Variants in PRPF38A observed in about 807,000 individuals in gnomAD.
The protein encoded by PRPF38A is pre-mRNA-splicing factor 38A.
In PRPF38A, 11 loss-of-function variants were observed where a neutral mutation model predicts 46.8. That is an observed-to-expected ratio of 0.24 (90% CI 0.15 to 0.39). PRPF38A has a LOEUF of 0.39. Among genes scored for constraint, PRPF38A ranks in the 10% least tolerant of loss-of-function variants. PRPF38A has a pLI of 1.00. For missense variants in PRPF38A, 261 were observed against 407.5 expected, an observed-to-expected ratio of 0.64 and a Z score of 3.10; for synonymous variants, 124 against 136.2, an observed-to-expected ratio of 0.91 and a Z score of 0.62.
Position 52,419,279 on chromosome 1 carries a change from C to T in PRPF38A, c.*2589C>T, listed in dbSNP as rs1199312383. The T allele has an allele frequency of 6.6e-6, 1 of 151,624 alleles. No homozygotes were observed. The highest frequency in any genetic ancestry group is 1.5e-5 in the Non-Finnish European group (1 of 68,090). The allele number at this position is 151,624 out of a possible 1,614,324, so 9.4% of individuals were successfully genotyped here. ...GCTGAGGCAGGAGAATCGCTTGAAC[C>T]TGGGAGGCAGAGGATGCGGTGAGCT... On this transcript the variant is annotated 3_prime_UTR_variant, in exon 10 of 10. Transcript: ENST00000257181.
Position 52,415,254 on chromosome 1 carries a change from A to C in PRPF38A, c.848-84A>C, listed in dbSNP as rs565376530. 68 of 1,366,026 alleles carry C rather than the reference A, an allele frequency of 5.0e-5. 1 individual carries two copies. The South Asian group carries it at 8.3e-4, about 17-fold the overall frequency. The allele number at this position is 1,366,026 out of a possible 1,614,324, so 84.6% of individuals were successfully genotyped here. A position where few individuals can be genotyped will look rare whatever the true frequency, so the allele number is the denominator to read the frequency against. ...CATAGGCCAAAAGAATATTAAGCCA[A>C]TGGCAGGTATTAGGGGAGGTGAGAA... is the stretch of plus-strand genomic sequence containing the variant. On this transcript the variant is annotated intron_variant, in intron 8 of 9. Transcript: ENST00000257181.
rs566919788 is a variant in PRPF38A, at chr1:52,408,555, C to A, written c.291-14C>A. The A allele has an allele frequency of 3.1e-6, 5 of 1,613,922 alleles. No homozygotes were observed. The highest frequency in any genetic ancestry group is 4.2e-6 in the Non-Finnish European group (5 of 1,179,940). ...CTAGGATGGCCTGTTGTTTCACTGT[C>A]ATCTGTCTCTCAGGTATGTCCGCAT... On this transcript the variant is annotated splice_polypyrimidine_tract_variant and intron_variant, in intron 2 of 9. Transcript: ENST00000257181.
At chr1:52,415,234 G>A in intron 8 of PRPF38A, 104 bp from the exon 9 acceptor site, 6 of 1,193,484 alleles carry the variant, frequency 5.0e-6, no homozygotes, top group Non-Finnish European at 6.0e-6. Flanking sequence ...CCCTGCATAG[G>A]CCAAAAGAAT....
At position 52,404,933 on chromosome 1, in the gene PRPF38A, G is replaced by A. The variant is rs565200681; in HGVS notation, c.130+54G>A. Reference sequence around the variant, plus strand: ...AGCCCCCTTGTGGCCCATTTCTCCTGACCGAGCGCGGGTAGGACTAGCGAC... The same window carrying A: ...AGCCCCCTTGTGGCCCATTTCTCCTAACCGAGCGCGGGTAGGACTAGCGAC... On this transcript the variant is annotated intron_variant, in intron 1 of 9. Coordinates refer to ENST00000257181, the MANE Select transcript of PRPF38A (RefSeq NM_032864.4). 887 of 1,596,226 alleles carry A rather than the reference G, an allele frequency of 5.6e-4. 1 individual carries two copies. Among genetic ancestry groups the A allele is most frequent in the Middle Eastern group, 1.8e-3 (11 of 5,954 alleles).
At chr1:52,411,723 C>A (rs1287897176) in intron 4 of PRPF38A, among the ~76,000 whole-genome samples, 1 of 152,152 alleles carries the variant, frequency 6.6e-6, no homozygotes, top group East Asian at 1.9e-4. Context: ...GCTTCCCTTT[C>A]CTAGTGATAA....
chr1:52,411,978 A>G (rs944104714), intron 4 of PRPF38A, among the ~76,000 whole-genome samples: 1 of 152,190 alleles, frequency 6.6e-6, no homozygotes, highest in Non-Finnish European at 1.5e-5. Flanking sequence ...ACATGCCACT[A>G]CATTTAGCCA....
At chr1:52,410,173 T>C (rs1182435950) in intron 3 of PRPF38A, among the ~76,000 whole-genome samples, 1 of 147,766 alleles carries the variant, frequency 6.8e-6, no homozygotes, top group Non-Finnish European at 1.5e-5. Flanking sequence ...ATAATATAAA[T>C]TGCCTGTAAT....
In PRPF38A at chr1:52,419,472, C is replaced by T. The variant is rs375050573; in HGVS notation, c.*2782C>T. On this transcript the variant is annotated 3_prime_UTR_variant, in exon 10 of 10. Transcript: ENST00000257181. ...TCCTGTTTGTTATTCTTCAGTAGACCGAAGTTTAAATAAGCATTATTTAGA... is the reference window on the plus strand; with the variant it reads ...TCCTGTTTGTTATTCTTCAGTAGACTGAAGTTTAAATAAGCATTATTTAGA... 7 of 151,382 alleles carry T rather than the reference C, an allele frequency of 4.6e-5. No homozygotes were observed. Among genetic ancestry groups the T allele is most frequent in the African/African-American group, 1.7e-4 (7 of 41,292 alleles). 9.4% of individuals were successfully genotyped at this position (151,382 alleles called of 1,614,324 possible). A position where few individuals can be genotyped will look rare whatever the true frequency, so the allele number is the denominator to read the frequency against.
At chr1:52,416,390 C>T (rs569997576) in intron 9 of PRPF38A, among the ~76,000 whole-genome samples, 1 of 151,388 alleles carries the variant, frequency 6.6e-6, no homozygotes, top group Non-Finnish European at 1.5e-5. Context: ...CTCACAGCAA[C>T]CTCCACCTCC....
chr1:52,416,641 A>G lies in PRPF38A; in HGVS notation c.897-7A>G, dbSNP rs753764611. The stretch of plus-strand genomic sequence containing the variant: ...AATATAATTATTTATATGTGTTGCC[A>G]TTTCAGGTCTAAGAAGAGCCACAAG... On this transcript the variant is annotated splice_region_variant and splice_polypyrimidine_tract_variant and intron_variant, in intron 9 of 9. Transcript: ENST00000257181. The G allele has an allele frequency of 1.7e-5, 28 of 1,610,564 alleles. No homozygotes were observed. Among genetic ancestry groups the G allele is most frequent in the Non-Finnish European group, 2.2e-5 (26 of 1,177,008 alleles).
At chr1:52,415,297 T>A in intron 8 of PRPF38A, 41 bp from the exon 9 acceptor site, 1 of 1,596,852 alleles carries the variant, frequency 6.3e-7, no homozygotes, top group Non-Finnish European at 8.6e-7. Context: ...TTAATAAGAG[T>A]AGAAGGGTAG....
At position 52,404,723 on chromosome 1, in the gene PRPF38A, C is replaced by T; in HGVS notation, c.-27C>T. ...GGATGTGAGGCATTAAAGGATCCGA[C>T]GGAAATAGAATTGAAGGCATTCTAA... On this transcript the variant is annotated 5_prime_UTR_variant, in exon 1 of 10. It adds an upstream start codon to the 5' untranslated region. Transcript: ENST00000257181. 3 of 1,607,902 alleles carry T rather than the reference C, an allele frequency of 1.9e-6. No individual in the cohort carries two copies. Among genetic ancestry groups the T allele is most frequent in the Non-Finnish European group, 2.5e-6 (3 of 1,177,148 alleles).
At chr1:52,410,092 A>G (rs1052697856) in intron 3 of PRPF38A, among the ~76,000 whole-genome samples, 2 of 148,672 alleles carry the variant, frequency 1.3e-5, no homozygotes, top group Non-Finnish European at 3.0e-5. Flanking sequence ...ATATTTACAT[A>G]CAAATATATA....
chr1:52,415,649 A>G (rs1648268761), intron 9 of PRPF38A, among the ~76,000 whole-genome samples: 2 of 148,330 alleles, frequency 1.3e-5, no homozygotes, highest in Non-Finnish European at 3.0e-5. Flanking sequence ...CCCGGGTTCA[A>G]GCTGATACCT....
Position 52,410,295 on chromosome 1 carries a change from G to A in PRPF38A, c.413-820G>A, listed in dbSNP as rs1272430298. On this transcript the variant is annotated intron_variant, in intron 3 of 9. Coordinates refer to ENST00000257181, the MANE Select transcript of PRPF38A (RefSeq NM_032864.4). ...CCAGCCTGGGCAAAAGTGAGACTCC[G>A]TCTCAAAAAAAAATTTTTTTTCTAA... 4.1e-5 allele frequency among the ~76,000 whole-genome samples: 6 copies of A among 147,884 alleles called. No homozygotes were observed. The East Asian group carries it at 6.0e-4, about 15-fold the overall frequency.
In PRPF38A at chr1:52,414,626, G is replaced by A; in HGVS notation, c.728G>A (p.Ser243Asn). 6.2e-7 allele frequency: 1 copy of A among 1,613,732 alleles called. No individual in the cohort carries two copies. Among genetic ancestry groups the A allele is most frequent in the Non-Finnish European group, 8.5e-7 (1 of 1,180,026 alleles). ...TCTTCCTCTCCTCTTTATAGGCGGA[G>A]TCGATCTCCCAAAAGGAGAAGGTAG... ...RSRSRSPRRRSRSPKRRSPSP... is the reference protein window; with the variant it reads ...RSRSRSPRRRNRSPKRRSPSP... The change falls in exon 7 of 10, where the codon AGT (serine) becomes AAT (asparagine). Residue 243 changes from serine (S) to asparagine (N), a missense_variant. Ser to Asn is a conservative substitution (Grantham distance 46, BLOSUM62 1). This residue lies in a region of PRPF38A where 180 missense variants were observed against 221.0 expected (regional missense o/e 0.81). Transcript: ENST00000257181.
rs901553970 is a variant in PRPF38A at position 52,420,398 on chromosome 1, A to G, written c.*3708A>G. The G allele has an allele frequency of 2.0e-5, 3 of 152,218 alleles. No individual in the cohort carries two copies. The highest frequency in any genetic ancestry group is 4.4e-5 in the Non-Finnish European group (3 of 68,040). The allele number at this position is 152,218 out of a possible 1,614,324, so 9.4% of individuals were successfully genotyped here. ...TATTATGAACACTGTCTATATAGAAATAACAAGTAGAGTGTGCTGGTTTCA... is the reference window on the plus strand; with the variant it reads ...TATTATGAACACTGTCTATATAGAAGTAACAAGTAGAGTGTGCTGGTTTCA... On this transcript the variant is annotated 3_prime_UTR_variant, in exon 10 of 10. Coordinates refer to ENST00000257181, the MANE Select transcript of PRPF38A (RefSeq NM_032864.4).
rs1412260437 is a variant in PRPF38A, at chr1:52,408,623, T to C, written c.345T>C (p.Asp115=). 3 of 1,614,098 alleles carry C rather than the reference T, an allele frequency of 1.9e-6. No homozygotes were observed. The highest frequency in any genetic ancestry group is 2.7e-5 in the African/African-American group (2 of 74,936). ...LYMRLTGTAI[D]CYKYLEPLYN... ...TGAGGCTGACAGGCACTGCAATTGATTGCTACAAGTACTTGGAACCTTTGT... is the reference window on the plus strand; with the variant it reads ...TGAGGCTGACAGGCACTGCAATTGACTGCTACAAGTACTTGGAACCTTTGT... The change falls in exon 3 of 10, where the codon GAT becomes GAC. Residue 115 remains aspartate, a synonymous_variant. Coordinates refer to ENST00000257181, the MANE Select transcript of PRPF38A (RefSeq NM_032864.4).
In PRPF38A at chr1:52,420,140, A is replaced by ATT. The variant is rs1296438008; in HGVS notation, c.*3453_*3454dup. 1 of 152,234 alleles carries ATT rather than the reference A, an allele frequency of 6.6e-6. No homozygotes were observed. The highest frequency in any genetic ancestry group is 1.5e-5 in the Non-Finnish European group (1 of 68,032). 9.4% of individuals were successfully genotyped at this position (152,234 alleles called of 1,614,324 possible). On this transcript the variant is annotated 3_prime_UTR_variant, in exon 10 of 10. Coordinates refer to ENST00000257181, the MANE Select transcript of PRPF38A (RefSeq NM_032864.4). ...AAAGGTTTGAGAAAAAGTGCCAGGAATTTTATACTTTGCCAAAGTTGTCTT... is the reference window on the plus strand; with the variant it reads ...AAAGGTTTGAGAAAAAGTGCCAGGAATTTTTTATACTTTGCCAAAGTTGTCTT...
Sources: allele counts gnomAD v4.1 joint callset (sites outside exome capture counted in the v4.1 genomes callset), GRCh38; gene constraint gnomAD v4.1.1; regional missense constraint gnomAD v4.1.1; transcripts MANE v1.5; gene names NCBI Gene and HGNC (gene_info 2026-07-23, HGNC 2026-07-21).